The following SPATA13 variants were observed in gnomAD, a reference collection of about 807,000 sequenced individuals.
SPATA13 encodes the protein spermatogenesis-associated protein 13.
A neutral mutation model predicts 104.0 loss-of-function variants in SPATA13; 50 were observed. The observed-to-expected ratio is 0.48, with a 90% CI of 0.38 to 0.61. The LOEUF (loss-of-function observed/expected upper bound fraction) is 0.61, where lower values mean the gene tolerates loss of function less well. SPATA13 is among the 20% of genes least tolerant of loss of function. The pLI is 0.00. For synonymous variants in SPATA13, 606 were observed against 667.5 expected, an observed-to-expected ratio of 0.91 and a Z score of 1.42; for missense variants, 1,524 against 1,690.6, an observed-to-expected ratio of 0.90 and a Z score of 1.73.
At chr13:24,066,642 C>T (rs971806656) in intron 3 of SPATA13, among the ~76,000 whole-genome samples, 1 of 152,300 alleles carries the variant, frequency 6.6e-6, no homozygotes, top group South Asian at 2.1e-4. Flanking sequence ...TTCATGCCAG[C>T]CCCTGCCTTC....
rs538873875 is a variant in SPATA13, at chr13:24,052,104, C to T, written c.-112+34403C>T. 1.0e-3 allele frequency among the ~76,000 whole-genome samples: 155 copies of T among 151,848 alleles called. 3 individuals are homozygous for T. The highest frequency in any genetic ancestry group is 3.5e-3 in the African/African-American group (146 of 41,328). ...CAGCATCCTGTGCTGTGTCCAGGCT[C>T]CTCGGGTCTCTGTGCTTAACGCAAT... On this transcript the variant is annotated intron_variant, in intron 3 of 14. Coordinates refer to the SPATA13 transcript ENST00000424834.
At chr13:24,185,440 C>T (rs1041415353) in intron 1 of SPATA13, among the ~76,000 whole-genome samples, 3 of 152,148 alleles carry the variant, frequency 2.0e-5, no homozygotes, top group East Asian at 3.9e-4. Flanking sequence ...GAGAAATAAA[C>T]CTTTTAAGAG....
intron 3 of SPATA13, among the ~76,000 whole-genome samples, chr13:24,078,783 T>C (rs1041751825): frequency 1.3e-5 from 2 of 152,204 alleles, no homozygotes; most frequent in Admixed American, 1.3e-4. Context: ...ATCCCAGTTG[T>C]GTGATGGGGT....
Position 24,272,535 on chromosome 13 carries a change from G to C in SPATA13, c.2165-11600G>C, listed in dbSNP as rs569105818. ...TTTGAGAGCTCTGAGAGGGCAGGGG[G>C]CAGGGGAGGGGTTGTGGGGCTCTGA... On this transcript the variant is annotated intron_variant, in intron 4 of 12. Coordinates refer to ENST00000382108, the MANE Select transcript of SPATA13 (RefSeq NM_001166271.3). 6.6e-5 allele frequency among the ~76,000 whole-genome samples: 10 copies of C among 152,332 alleles called. No individual in the cohort carries two copies. In the East Asian group the frequency reaches 1.7e-3, roughly 26 times the overall value.
At chr13:24,208,264 C>G (rs888462610) in intron 1 of SPATA13, among the ~76,000 whole-genome samples, 2 of 152,166 alleles carry the variant, frequency 1.3e-5, no homozygotes, top group Admixed American at 1.3e-4. Context: ...TCCAGAAATT[C>G]CCTGTAATTG....
intron 3 of SPATA13, among the ~76,000 whole-genome samples, chr13:24,075,402 T>C (rs1312065410): frequency 6.6e-6 from 1 of 152,142 alleles, no homozygotes; most frequent in African/African-American, 2.4e-5. Context: ...CAACAGAAAG[T>C]CTTGTAATAA....
chr13:24,003,337 C>T (rs747171239), intron 2 of SPATA13, among the ~76,000 whole-genome samples: 5 of 152,160 alleles, frequency 3.3e-5, no homozygotes, highest in Non-Finnish European at 4.4e-5. Flanking sequence ...AATTTCATTA[C>T]TGAGCCATGA....
intron 5 of SPATA13, among the ~76,000 whole-genome samples, chr13:24,284,592 A>G (rs991990212): frequency 1.3e-5 from 2 of 152,162 alleles, no homozygotes; most frequent in Non-Finnish European, 2.9e-5. Flanking sequence ...TGAAGCTGGG[A>G]GGCGGAGGTT....
chr13:23,988,627 A>G (rs979933208), intron 2 of SPATA13, among the ~76,000 whole-genome samples: 5 of 152,168 alleles, frequency 3.3e-5, no homozygotes, highest in African/African-American at 1.2e-4. Flanking sequence ...TTTATAAAGA[A>G]TCTGTCTCCC....
chr13:24,030,060 A>ACGCG (rs1555255388), intron 3 of SPATA13, among the ~76,000 whole-genome samples: 18 of 143,534 alleles, frequency 1.3e-4, no homozygotes, highest in Admixed American at 6.4e-4. Context: ...ACACACACAC[A>ACGCG]CACACGCACA....
intron 2 of SPATA13, among the ~76,000 whole-genome samples, chr13:24,241,872 T>G (rs1490786984): frequency 6.6e-6 from 1 of 152,028 alleles, no homozygotes; most frequent in African/African-American, 2.4e-5. Flanking sequence ...AGCAACATAG[T>G]GAGACCCCTA....
At chr13:24,252,560 C>T (rs1342767063) in intron 4 of SPATA13, among the ~76,000 whole-genome samples, 3 of 152,026 alleles carry the variant, frequency 2.0e-5, no homozygotes, top group African/African-American at 7.2e-5. Flanking sequence ...TTTGAAAGAA[C>T]AGGCAGAAAT....
At chr13:24,102,295 T>C (rs944195688) in intron 3 of SPATA13, among the ~76,000 whole-genome samples, 8 of 152,202 alleles carry the variant, frequency 5.3e-5, no homozygotes, top group Non-Finnish European at 1.2e-4. Flanking sequence ...GAAATGCCTA[T>C]CCAAGTCCTT....
intron 1 of SPATA13, among the ~76,000 whole-genome samples, chr13:24,172,185 CT>C (rs1382110990): frequency 6.6e-6 from 1 of 152,160 alleles, no homozygotes; most frequent in African/African-American, 2.4e-5. Context: ...TAATTTTATC[CT>C]TTCAAAAATA....
At chr13:24,225,266 T>G (rs1871864533) in intron 2 of SPATA13, among the ~76,000 whole-genome samples, 1 of 152,228 alleles carries the variant, frequency 6.6e-6, no homozygotes, top group African/African-American at 2.4e-5. Context: ...CAGCCAGGCA[T>G]GTCAGCTGTT....
chr13:24,222,759 T>G (rs1871664256), intron 1 of SPATA13, 60 bp from the exon 2 acceptor site: 1 of 1,409,896 alleles, frequency 7.1e-7, no homozygotes, highest in Admixed American at 2.6e-5. Context: ...TCTTCTTCTG[T>G]GAGCAGAGGG....
At chr13:24,010,447 G>A (rs1230351617) in intron 2 of SPATA13, among the ~76,000 whole-genome samples, 2 of 148,400 alleles carry the variant, frequency 1.3e-5, no homozygotes, top group African/African-American at 4.9e-5. Flanking sequence ...TATTGTGAGG[G>A]AGGTATGTAG....
At chr13:24,176,354 C>T (rs1868435601) in intron 1 of SPATA13, among the ~76,000 whole-genome samples, 1 of 152,068 alleles carries the variant, frequency 6.6e-6, no homozygotes, top group African/African-American at 2.4e-5. Flanking sequence ...TTTTATTTAC[C>T]AGTTACAACT....
chr13:24,237,742 A>T (rs1167382735), intron 2 of SPATA13, among the ~76,000 whole-genome samples: 2 of 151,928 alleles, frequency 1.3e-5, no homozygotes, highest in East Asian at 3.9e-4. Context: ...AGATGGGAAG[A>T]TCACTTGAGG....
Sources: allele counts gnomAD v4.1 joint callset (sites outside exome capture counted in the v4.1 genomes callset), GRCh38; gene constraint gnomAD v4.1.1; transcripts MANE v1.5; gene names NCBI Gene and HGNC (gene_info 2026-07-23, HGNC 2026-07-21).